The following FNDC3A variants were observed in gnomAD, a reference collection of about 807,000 sequenced individuals.
The protein encoded by FNDC3A is fibronectin type III domain containing 3A.
In FNDC3A, 32 loss-of-function variants were observed where a neutral mutation model predicts 148.9. The ratio of observed to expected loss-of-function variants is 0.21; its 90% CI spans 0.16 to 0.29. FNDC3A has a LOEUF of 0.29. Among genes scored for constraint, FNDC3A ranks in the 10% least tolerant of loss-of-function variants. The pLI, the probability that FNDC3A is intolerant of heterozygous loss-of-function variation, is 1.00. For synonymous variants in FNDC3A, 472 were observed against 473.6 expected, an observed-to-expected ratio of 1.00 and a Z score of 0.04; for missense variants, 1,191 against 1,452.8, an observed-to-expected ratio of 0.82 and a Z score of 2.93.
At chr13:49,115,461 C>T (rs1178955945) in intron 4 of FNDC3A, among the ~76,000 whole-genome samples, 1 of 152,132 alleles carries the variant, frequency 6.6e-6, no homozygotes, top group Non-Finnish European at 1.5e-5. Flanking sequence ...TTACTTCCTC[C>T]CTGATTATGC....
chr13:49,191,076 G>C lies in FNDC3A; in HGVS notation c.2006G>C (p.Arg669Thr). Residue 669 changes from arginine (R) to threonine (T), a missense_variant, in exon 18 of 26, where the codon AGA (arginine) becomes ACA (threonine). Around this residue, in one of 3 missense-constraint regions of FNDC3A, gnomAD observed 751 missense variants for 944.0 expected, o/e 0.80. Transcript: ENST00000492622. ...AVPPGPCLPP[R>T]LQGRPKAKEI... ...CCTCCTGGCCCATGCCTCCCTCCCA[G>C]ATTACAGGGTAGACCCAAAGCAAAA... The C allele has an allele frequency of 6.2e-7, 1 of 1,613,938 alleles. No individual in the cohort carries two copies. The highest frequency in any genetic ancestry group is 8.5e-7 in the Non-Finnish European group (1 of 1,179,968).
rs77845509 is a variant in FNDC3A at position 49,187,795 on chromosome 13, C to G, written c.1825+605C>G. The G allele has an allele frequency of 8.4e-4, 547 of 652,832 alleles. 1 individual carries two copies. Among genetic ancestry groups the G allele is most frequent in the African/African-American group, 8.0e-3 (433 of 54,176 alleles). The allele number at this position is 652,832 out of a possible 1,614,324, so 40.4% of individuals were successfully genotyped here. Reference sequence around the variant, plus strand: ...TTGTTTGTAGCAGTTAGGATTTTGCCTGTTATGATCCACTTTAAATTGTGA... The same window carrying G: ...TTGTTTGTAGCAGTTAGGATTTTGCGTGTTATGATCCACTTTAAATTGTGA... On this transcript the variant is annotated intron_variant, in intron 16 of 25. Coordinates refer to ENST00000492622, the MANE Select transcript of FNDC3A (RefSeq NM_001079673.2).
At chr13:49,206,273 T>A (rs1886638489) in intron 25 of FNDC3A, among the ~76,000 whole-genome samples, 1 of 152,178 alleles carries the variant, frequency 6.6e-6, no homozygotes, top group Admixed American at 6.5e-5. Context: ...TAAAATCACA[T>A]CTGGAGTGTG....
At chr13:49,049,589 A>G (rs956121875) in intron 2 of FNDC3A, among the ~76,000 whole-genome samples, 1 of 152,002 alleles carries the variant, frequency 6.6e-6, no homozygotes, top group African/African-American at 2.4e-5. Flanking sequence ...TTTCTAATTT[A>G]TACACATAAA....
At chr13:49,018,128 C>T (rs1872972529) in intron 2 of FNDC3A, among the ~76,000 whole-genome samples, 1 of 150,974 alleles carries the variant, frequency 6.6e-6, no homozygotes, top group South Asian at 2.1e-4. Flanking sequence ...CTCTGTATTT[C>T]CTGAATCTGA....
chr13:49,091,009 G>C (rs977509614), intron 3 of FNDC3A, among the ~76,000 whole-genome samples: 26 of 152,174 alleles, frequency 1.7e-4, no homozygotes, highest in African/African-American at 6.3e-4. Context: ...TGCTTTTACA[G>C]GGAAAACTGA....
At chr13:48,988,005 G>T (rs184716394) in intron 1 of FNDC3A, 1 of 152,126 alleles carries the variant, frequency 6.6e-6, no homozygotes, top group Non-Finnish European at 1.5e-5. Context: ...TTCATGAAGC[G>T]TTCTGTATTT....
chr13:48,990,324 A>G (rs1033322369), intron 1 of FNDC3A, among the ~76,000 whole-genome samples: 1 of 152,070 alleles, frequency 6.6e-6, no homozygotes, highest in Non-Finnish European at 1.5e-5. Context: ...GCAGAAGGAA[A>G]ATTAAACCAC....
At chr13:49,187,430 A>G in intron 16 of FNDC3A, 1 of 1,104,826 alleles carries the variant, frequency 9.1e-7, no homozygotes, top group Non-Finnish European at 1.4e-6. Context: ...CAGAGGCTGT[A>G]CCTCTTAAAA....
chr13:49,156,741 G>T (rs1227954680), intron 8 of FNDC3A, among the ~76,000 whole-genome samples: 1 of 145,726 alleles, frequency 6.9e-6, no homozygotes, highest in African/African-American at 2.6e-5. Flanking sequence ...CTCAGCATTT[G>T]CTTGTCTGTA....
chr13:49,173,914 A>G lies in FNDC3A; in HGVS notation c.1231-521A>G, dbSNP rs571593480. On this transcript the variant is annotated intron_variant, in intron 11 of 25. Transcript: ENST00000492622. The stretch of plus-strand genomic sequence containing the variant: ...TTCTCTCTCCTTCTTATTGCCTGTA[A>G]TTGGGCTGTGCTCTCTGCTAGAACA... Among the ~76,000 whole-genome samples, 7 of 152,294 alleles carry G rather than the reference A, an allele frequency of 4.6e-5. No individual in the cohort carries two copies. The South Asian group carries it at 1.2e-3, about 27-fold the overall frequency.
chr13:49,009,895 C>T (rs529553883), intron 2 of FNDC3A, among the ~76,000 whole-genome samples: 1 of 152,286 alleles, frequency 6.6e-6, no homozygotes, highest in African/African-American at 2.4e-5. Context: ...TTATTAGTAC[C>T]TTCTTGATTG....
chr13:49,168,670 C>T lies in FNDC3A; in HGVS notation c.1095C>T (p.Thr365=). The T allele has an allele frequency of 6.2e-7, 1 of 1,611,946 alleles. No homozygotes were observed. Among genetic ancestry groups the T allele is most frequent in the African/African-American group, 1.3e-5 (1 of 74,932 alleles). Residue 365 remains threonine, a synonymous_variant, in exon 10 of 26, where the codon ACC becomes ACT. Coordinates refer to ENST00000492622, the MANE Select transcript of FNDC3A (RefSeq NM_001079673.2). ...CTCCTTCAGAGGCTGAAATCTTTAC[C>T]ACCTTGAGCTGTGAACCTGATATAC... ...KGTPSEAEIF[T]TLSCEPDIPN...
intron 13 of FNDC3A, among the ~76,000 whole-genome samples, chr13:49,176,822 A>G (rs9568164): frequency 0.038 from 5,755 of 152,128 alleles, 154 homozygotes; most frequent in South Asian, 0.13. Flanking sequence ...TTCTTTTGCA[A>G]CAGGGTCTTG....
intron 2 of FNDC3A, among the ~76,000 whole-genome samples, chr13:49,062,536 A>G (rs1469054504): frequency 1.3e-5 from 2 of 152,126 alleles, no homozygotes; most frequent in Middle Eastern, 3.2e-3. Flanking sequence ...CAGATTGCTC[A>G]TGTTCTCTTT....
intron 2 of FNDC3A, among the ~76,000 whole-genome samples, chr13:49,017,463 C>A (rs1326592810): frequency 5.9e-5 from 9 of 151,906 alleles, no homozygotes. Context: ...GGTAGATCTT[C>A]CTCCATCCTT....
chr13:48,989,925 T>C (rs1220302676), intron 1 of FNDC3A, among the ~76,000 whole-genome samples: 1 of 152,112 alleles, frequency 6.6e-6, no homozygotes, highest in Non-Finnish European at 1.5e-5. Flanking sequence ...CTAATTTTTG[T>C]ATTTTTAGTA....
intron 2 of FNDC3A, among the ~76,000 whole-genome samples, chr13:49,027,301 G>A (rs1403939256): frequency 2.0e-5 from 3 of 152,152 alleles, no homozygotes; most frequent in Non-Finnish European, 4.4e-5. Flanking sequence ...TAATAAAACA[G>A]TTAGAAATGG....
intron 2 of FNDC3A, among the ~76,000 whole-genome samples, chr13:49,016,920 G>C (rs905654640): frequency 6.6e-6 from 1 of 150,976 alleles, no homozygotes; most frequent in Non-Finnish European, 1.5e-5. Context: ...TTTTGAGTGA[G>C]ATTCTTAATC....
Sources: allele counts gnomAD v4.1 joint callset (sites outside exome capture counted in the v4.1 genomes callset), GRCh38; gene constraint gnomAD v4.1.1; regional missense constraint gnomAD v4.1.1; transcripts MANE v1.5; gene names NCBI Gene and HGNC (gene_info 2026-07-23, HGNC 2026-07-21).